Variants in FILIP1L observed in about 807,000 individuals in gnomAD.
FILIP1L encodes filamin A-interacting protein 1-like.
A neutral mutation model predicts 96.6 loss-of-function variants in FILIP1L; 55 were observed. The observed-to-expected ratio is 0.57, with a 90% CI of 0.46 to 0.71. FILIP1L has a LOEUF of 0.71. Ranked by LOEUF, FILIP1L falls within the 30% of genes least tolerant of loss-of-function variation. The probability of loss-of-function intolerance (pLI) is 0.00; values close to 1 mark genes in which losing one functional copy is unlikely to be tolerated. For synonymous variants in FILIP1L, 467 were observed against 473.9 expected, an observed-to-expected ratio of 0.99 and a Z score of 0.19; for missense variants, 1,304 against 1,321.2, an observed-to-expected ratio of 0.99 and a Z score of 0.20.
rs775142153 is a variant in FILIP1L at position 99,850,690 on chromosome 3, G to T, written c.986C>A (p.Ala329Glu). Residue 329 changes from alanine to glutamate, a missense_variant, in exon 5 of 6, where the codon GCA becomes GAA. By Grantham distance (107) the Ala-to-Glu change is moderately radical (BLOSUM62 -1). Coordinates refer to ENST00000477258, the MANE Select transcript of FILIP1L (RefSeq NM_001387850.1). ...TAACTCATCAATCTGCCGGCTGAGT[G>T]CTGCCAGCTTTTGTTGAAGCTGGCG... ...QNRQLQQKLAALSRQIDELEE... is the reference protein window; with the variant it reads ...QNRQLQQKLAELSRQIDELEE... The T allele has an allele frequency of 2.5e-6, 4 of 1,614,138 alleles. No individual in the cohort carries two copies. Among genetic ancestry groups the T allele is most frequent in the South Asian group, 2.2e-5 (2 of 91,072 alleles).
At chr3:99,868,913 T>C (rs1057401309) in intron 4 of FILIP1L, among the ~76,000 whole-genome samples, 5 of 152,180 alleles carry the variant, frequency 3.3e-5, no homozygotes, top group Non-Finnish European at 7.4e-5. Context: ...TCTAATTTGT[T>C]TTAGTATATT....
intron 5 of FILIP1L, among the ~76,000 whole-genome samples, chr3:99,839,384 GAGGAATGAAGGA>G (rs1943033221): frequency 6.6e-6 from 1 of 152,184 alleles, no homozygotes; most frequent in Non-Finnish European, 1.5e-5. Flanking sequence ...GTGATTGGTT[GAGGAATGAAGGA>G]AGCCTGTATC....
chr3:99,900,910 C>A (rs1005350074), intron 4 of FILIP1L, among the ~76,000 whole-genome samples: 3 of 152,180 alleles, frequency 2.0e-5, no homozygotes, highest in African/African-American at 7.2e-5. Flanking sequence ...TTGGCCTAGG[C>A]CCTAGAGTAT....
At chr3:99,982,786 G>A (rs1223188011) in intron 1 of FILIP1L, among the ~76,000 whole-genome samples, 1 of 152,104 alleles carries the variant, frequency 6.6e-6, no homozygotes, top group African/African-American at 2.4e-5. Flanking sequence ...TTTCAAAAAT[G>A]TGCTTATAAA....
chr3:99,845,099 G>T lies in FILIP1L; in HGVS notation c.3381+3196C>A, dbSNP rs139082506. Among the ~76,000 whole-genome samples the T allele has an allele frequency of 3.4e-3, 518 of 152,282 alleles. 5 individuals carry two copies. The highest frequency in any genetic ancestry group is 6.8e-3 in the Middle Eastern group (2 of 294). ...AATATAGTTGTGGAGACCTTACAAA[G>T]AGTGTATGTAATTTTATCATGATCT... is the stretch of plus-strand genomic sequence containing the variant. On this transcript the variant is annotated intron_variant, in intron 5 of 5. Transcript: ENST00000477258.
At chr3:100,010,650 T>C (rs1396496532) in intron 1 of FILIP1L, among the ~76,000 whole-genome samples, 1 of 151,478 alleles carries the variant, frequency 6.6e-6, no homozygotes, top group Non-Finnish European at 1.5e-5. Flanking sequence ...AGTGTCCCTC[T>C]GTCACCCAGG....
chr3:100,048,985 C>T (rs2065324340), intron 1 of FILIP1L, among the ~76,000 whole-genome samples: 1 of 152,056 alleles, frequency 6.6e-6, no homozygotes, highest in South Asian at 2.1e-4. Flanking sequence ...ATTTTCAAAC[C>T]TAATGGATTA....
At chr3:100,111,537 T>C (rs1250954821) in intron 1 of FILIP1L, among the ~76,000 whole-genome samples, 1 of 152,148 alleles carries the variant, frequency 6.6e-6, no homozygotes, top group Non-Finnish European at 1.5e-5. Flanking sequence ...ATAAATGACA[T>C]TGTTAATGCC....
intron 1 of FILIP1L, among the ~76,000 whole-genome samples, chr3:99,991,860 G>C (rs922011994): frequency 7.6e-6 from 1 of 131,528 alleles, no homozygotes; most frequent in Non-Finnish European, 1.7e-5. Flanking sequence ...GTGTGTGTAT[G>C]TGTATATATA....
chr3:99,885,857 A>G (rs1705878578), intron 4 of FILIP1L, among the ~76,000 whole-genome samples: 2 of 152,210 alleles, frequency 1.3e-5, no homozygotes, highest in Non-Finnish European at 2.9e-5. Context: ...GAAGAACAAT[A>G]CAGCTCAACT....
At chr3:100,065,976 T>A (rs2065656705) in intron 1 of FILIP1L, among the ~76,000 whole-genome samples, 1 of 152,210 alleles carries the variant, frequency 6.6e-6, no homozygotes, top group South Asian at 2.1e-4. Context: ...AATCAGAAAC[T>A]CTGGGAATGC....
chr3:99,857,654 G>C (rs192810384), intron 4 of FILIP1L, among the ~76,000 whole-genome samples: 62 of 152,248 alleles, frequency 4.1e-4, no homozygotes, highest in Non-Finnish European at 8.1e-4. Flanking sequence ...TCAGATGCTT[G>C]GTCCATAGAA....
intron 1 of FILIP1L, among the ~76,000 whole-genome samples, chr3:100,059,646 T>C (rs187463662): frequency 6.6e-6 from 1 of 151,894 alleles, no homozygotes; most frequent in Non-Finnish European, 1.5e-5. Context: ...CAGGACAGAG[T>C]AGTGACTGGG....
At chr3:100,103,468 C>T (rs1349875802) in intron 1 of FILIP1L, among the ~76,000 whole-genome samples, 2 of 152,156 alleles carry the variant, frequency 1.3e-5, no homozygotes, top group East Asian at 3.9e-4. Flanking sequence ...GGTGTGAGCT[C>T]CTTTGTGTAA....
chr3:99,986,265 A>T (rs1709339267), intron 1 of FILIP1L, among the ~76,000 whole-genome samples: 2 of 152,180 alleles, frequency 1.3e-5, no homozygotes, highest in Admixed American at 1.3e-4. Flanking sequence ...ATTGAATGGG[A>T]TATGTCCCAG....
At chr3:99,942,874 A>G (rs1707893007) in intron 1 of FILIP1L, among the ~76,000 whole-genome samples, 1 of 152,136 alleles carries the variant, frequency 6.6e-6, no homozygotes, top group African/African-American at 2.4e-5. Flanking sequence ...TAAAAGAAAA[A>G]AAGAGAGTGC....
intron 1 of FILIP1L, among the ~76,000 whole-genome samples, chr3:100,100,986 A>C (rs1160487694): frequency 6.6e-6 from 1 of 152,120 alleles, no homozygotes. Context: ...ACAGAGAAGA[A>C]AGTGTGTGAT....
At chr3:100,054,459 A>G (rs2065426368) in intron 1 of FILIP1L, among the ~76,000 whole-genome samples, 1 of 151,024 alleles carries the variant, frequency 6.6e-6, no homozygotes, top group Admixed American at 6.6e-5. Flanking sequence ...AGCCAGTCTG[A>G]CCTGCTTCGT....
intron 1 of FILIP1L, among the ~76,000 whole-genome samples, chr3:100,029,831 T>A (rs2064993575): frequency 6.6e-6 from 1 of 152,154 alleles, no homozygotes; most frequent in Non-Finnish European, 1.5e-5. Flanking sequence ...AGATTCTGAG[T>A]CATGATAACA....
Sources: gnomAD v4.1 joint callset for allele counts (sites outside exome capture counted in the v4.1 genomes callset) on GRCh38, gnomAD v4.1.1 for gene constraint, MANE v1.5 for transcripts, NCBI Gene and HGNC (gene_info 2026-07-23, HGNC 2026-07-21) for gene names.